The following LAIR1 variants were observed in gnomAD, a reference collection of about 807,000 sequenced individuals.
LAIR1 encodes the protein leukocyte-associated immunoglobulin-like receptor 1.
Under a neutral mutation model 32.8 loss-of-function variants are expected in LAIR1, and 24 were observed. The ratio of observed to expected loss-of-function variants is 0.73; its 90% CI spans 0.53 to 1.03. The LOEUF (loss-of-function observed/expected upper bound fraction) is 1.03. LAIR1 is among the 50% of genes least tolerant of loss of function. LAIR1 has a pLI of 0.00. For missense variants in LAIR1, 355 were observed against 347.5 expected, an observed-to-expected ratio of 1.02 and a Z score of -0.17; for synonymous variants, 150 against 140.5, an observed-to-expected ratio of 1.07 and a Z score of -0.48.
intron 2 of LAIR1, among the ~76,000 whole-genome samples, chr19:54,362,021 G>A (rs1365036450): frequency 2.6e-5 from 4 of 151,120 alleles, no homozygotes; most frequent in African/African-American, 4.9e-5. Context: ...CACTCGTCCC[G>A]TCTTCATTCA....
chr19:54,361,068 G>A lies in LAIR1; in HGVS notation c.212C>T (p.Thr71Ile). The change falls in exon 3 of 10, where the codon ACT (threonine) becomes ATT (isoleucine). Residue 71 changes from threonine to isoleucine, a missense_variant. Transcript: ENST00000391742. ...ERDSRSTYND[T>I]EDVSQASPSE... ...TGGACTAGCTTGAGACACATCTTCA[G>A]TATCATTGTATGTGGATCTACTGTC... is the stretch of plus-strand genomic sequence containing the variant. 1 of 1,614,216 alleles carries A rather than the reference G, an allele frequency of 6.2e-7. No individual in the cohort carries two copies. Among genetic ancestry groups the A allele is most frequent in the Non-Finnish European group, 8.5e-7 (1 of 1,180,036 alleles).
upstream of LAIR1, among the ~76,000 whole-genome samples, chr19:54,369,535 C>A (rs1376937768): frequency 2.0e-5 from 3 of 151,354 alleles, no homozygotes; most frequent in Admixed American, 2.0e-4. Flanking sequence ...CTTTGCATTC[C>A]TCTAAGACCT....
chr19:54,363,225 G>A (rs531016730), intron 2 of LAIR1, among the ~76,000 whole-genome samples: 3 of 151,954 alleles, frequency 2.0e-5, no homozygotes, highest in Non-Finnish European at 4.4e-5. Context: ...GCTGTCACCT[G>A]GGGGTGATGC....
rs776374278 is a variant in LAIR1 at position 54,355,316 on chromosome 19, T to C, written c.816A>G (p.Thr272=). 12 of 1,613,072 alleles carry C rather than the reference T, an allele frequency of 7.4e-6. No individual in the cohort carries two copies. The highest frequency in any genetic ancestry group is 9.3e-6 in the Non-Finnish European group (11 of 1,179,576). ...ACGTGATGGACTCGGCCATGGGCTT[T>C]GTGGACTGTGGGGACACAGCCCGGG... ...RTARAVSPQS[T]KPMAESITYA... Residue 272 remains threonine (T), a synonymous_variant, in exon 10 of 10, where the codon ACA becomes ACG. Coordinates refer to ENST00000391742, the MANE Select transcript of LAIR1 (RefSeq NM_002287.6). This position sits in a 1 kb window ranked among gnomAD's most constrained non-coding sequence, Gnocchi z 4.7.
chr19:54,360,962 G>A lies in LAIR1; in HGVS notation c.318C>T (p.Pro106=), dbSNP rs777548331. Residue 106 remains proline, a synonymous_variant, in exon 3 of 10, where the codon CCC becomes CCT. Coordinates refer to ENST00000391742, the MANE Select transcript of LAIR1 (RefSeq NM_002287.6). ...AGLYRCIYYK[P]PKWSEQSDYL... is the part of the protein sequence containing the mutation. ...AGTCACTCTGCTCAGACCATTTAGG[G>A]GGCTTATAATAGATGCAGCGATAAA... is the stretch of plus-strand genomic sequence containing the variant. The A allele has an allele frequency of 1.9e-6, 3 of 1,614,198 alleles. No homozygotes were observed. Among genetic ancestry groups the A allele is most frequent in the Admixed American group, 3.3e-5 (2 of 60,020 alleles).
intron 4 of LAIR1, chr19:54,357,363 A>G (rs2081771423): frequency 5.8e-6 from 1 of 171,594 alleles, no homozygotes; most frequent in African/African-American, 2.4e-5. Context: ...GGCAGAGACC[A>G]ACCACCCGCA....
At chr19:54,362,204 G>A (rs760846492) in intron 2 of LAIR1, among the ~76,000 whole-genome samples, 85 of 152,142 alleles carry the variant, frequency 5.6e-4, no homozygotes, top group Non-Finnish European at 1.0e-3. Context: ...TGATTTTCAA[G>A]CATATGATAC....
At chr19:54,373,313 G>A (rs894785383), upstream of LAIR1, among the ~76,000 whole-genome samples, 29 of 151,628 alleles carry the variant, frequency 1.9e-4, 1 homozygote, top group Admixed American at 3.9e-4. Flanking sequence ...GCGTGGTGGC[G>A]GGCACCTGTA....
At position 54,355,784 on chromosome 19, in the gene LAIR1, G is replaced by A. The variant is rs772024731; in HGVS notation, c.717+170C>T. Among the ~76,000 whole-genome samples, 23 of 152,132 alleles carry A rather than the reference G, an allele frequency of 1.5e-4. No individual in the cohort carries two copies. The highest frequency in any genetic ancestry group is 2.9e-4 in the Non-Finnish European group (20 of 68,022). ...CTTGGACGTGGATCCTCCAGCCCAC[G>A]GGAGCCTTCGGATGCACACAGCCCT... On this transcript the variant is annotated intron_variant, in intron 9 of 9. Coordinates refer to ENST00000391742, the MANE Select transcript of LAIR1 (RefSeq NM_002287.6). This position sits in a 1 kb window ranked among gnomAD's most constrained non-coding sequence, Gnocchi z 4.7.
intron 5 of LAIR1, 122 bp downstream of exon 5, chr19:54,356,806 C>T: frequency 7.4e-7 from 1 of 1,347,404 alleles, no homozygotes; most frequent in Non-Finnish European, 1.0e-6. Context: ...CTGGAGTCCT[C>T]TGCACAGGGA....
chr19:54,373,938 G>A (rs2082461281), upstream of LAIR1, among the ~76,000 whole-genome samples: 2 of 152,164 alleles, frequency 1.3e-5, no homozygotes, highest in South Asian at 4.1e-4. Flanking sequence ...TGCAAAATTT[G>A]CTGACACATG....
At chr19:54,358,504 A>G (rs1569191080) in intron 4 of LAIR1, 1 of 1,581,694 alleles carries the variant, frequency 6.3e-7, no homozygotes, top group Non-Finnish European at 8.7e-7. Flanking sequence ...CATGTATGGG[A>G]ATCAGTGCAT....
At position 54,355,895 on chromosome 19, in the gene LAIR1, C is replaced by T; in HGVS notation, c.717+59G>A. On this transcript the variant is annotated intron_variant, in intron 9 of 9. Coordinates refer to ENST00000391742, the MANE Select transcript of LAIR1 (RefSeq NM_002287.6). The surrounding 1 kb of genome is among the most constrained non-coding windows in gnomAD (Gnocchi z 4.7). The stretch of plus-strand genomic sequence containing the variant: ...ACTCCTGAATTCCTAACCCAAGGAA[C>T]TGAGATTTTTTTAAGCTGCTAAATT... 8.4e-7 allele frequency: 1 copy of T among 1,189,658 alleles called. No homozygotes were observed. The highest frequency in any genetic ancestry group is 1.3e-6 in the Non-Finnish European group (1 of 792,788). 73.7% of individuals were successfully genotyped at this position (1,189,658 alleles called of 1,614,324 possible).
chr19:54,362,831 T>C (rs1671488326), intron 2 of LAIR1, among the ~76,000 whole-genome samples: 2 of 152,108 alleles, frequency 1.3e-5, no homozygotes, highest in South Asian at 4.1e-4. Flanking sequence ...AAAATCAGCA[T>C]GTGAGAAGAA....
chr19:54,373,660 T>A (rs1255914054), upstream of LAIR1, among the ~76,000 whole-genome samples: 1 of 151,630 alleles, frequency 6.6e-6, no homozygotes, highest in African/African-American at 2.4e-5. Flanking sequence ...CCAAGAGTGG[T>A]GGTGCACACC....
At chr19:54,364,963 G>C (rs1404867628), upstream of LAIR1, 1 of 1,524,286 alleles carries the variant, frequency 6.6e-7, no homozygotes. The surrounding 1 kb of genome is among the most constrained non-coding windows in gnomAD (Gnocchi z 4.8). Context: ...TTTCTGTCCT[G>C]TTCTTTCCAC....
Position 54,355,447 on chromosome 19 carries a change from C to G in LAIR1, c.718-33G>C. On this transcript the variant is annotated intron_variant, in intron 9 of 9. Transcript: ENST00000391742. This position sits in a 1 kb window ranked among gnomAD's most constrained non-coding sequence, Gnocchi z 4.7. ...GGAGAGACCCAGGGTGAGGGAGTGCCTGGTGGAGGGTGAGACGAGGGGCTG... is the reference window on the plus strand; with the variant it reads ...GGAGAGACCCAGGGTGAGGGAGTGCGTGGTGGAGGGTGAGACGAGGGGCTG... 1 of 1,562,008 alleles carries G rather than the reference C, an allele frequency of 6.4e-7. No individual in the cohort carries two copies. The highest frequency in any genetic ancestry group is 8.7e-7 in the Non-Finnish European group (1 of 1,154,568).
chr19:54,363,471 G>A (rs1377635879), intron 2 of LAIR1, among the ~76,000 whole-genome samples: 2 of 152,126 alleles, frequency 1.3e-5, no homozygotes, highest in South Asian at 2.1e-4. Flanking sequence ...TGTGGAAATC[G>A]GTGTGCGGAG....
In LAIR1 at chr19:54,370,181, G is replaced by T. The variant is rs952606427; in HGVS notation, c.16+81C>A. On this transcript the variant is annotated intron_variant, in intron 1 of 8. Coordinates refer to the LAIR1 transcript ENST00000391743. ...CATCCACATTGGCTCACGTTTCTGT[G>T]CCCCACCCTTCCTGCCTGGGAGGAC... 4 of 689,388 alleles carry T rather than the reference G, an allele frequency of 5.8e-6. No homozygotes were observed. The South Asian group carries it at 6.4e-5, about 11-fold the overall frequency. The allele number at this position is 689,388 out of a possible 1,614,324, so 42.7% of individuals were successfully genotyped here.
Sources: allele counts gnomAD v4.1 joint callset (sites outside exome capture counted in the v4.1 genomes callset), GRCh38; gene constraint gnomAD v4.1.1; non-coding constraint Gnocchi (gnomAD v3.1); transcripts MANE v1.5; gene names NCBI Gene and HGNC (gene_info 2026-07-23, HGNC 2026-07-21).